Variants in SNX8 observed in about 807,000 individuals in gnomAD.
The protein encoded by SNX8 is sorting nexin 8.
In SNX8, 25 loss-of-function variants were observed where a neutral mutation model predicts 51.6. That is an observed-to-expected ratio of 0.48 (90% confidence interval 0.35 to 0.68). The LOEUF is 0.68. Among genes scored for constraint, SNX8 ranks in the 30% least tolerant of loss-of-function variants. The pLI, the probability that SNX8 is intolerant of heterozygous loss-of-function variation, is 0.00. For missense variants in SNX8, 695 were observed against 624.0 expected, an observed-to-expected ratio of 1.11 and a Z score of -1.21; for synonymous variants, 324 against 277.0, an observed-to-expected ratio of 1.17 and a Z score of -1.68.
chr7:2,264,271 C>T (rs1239756232), intron 6 of SNX8, 27 bp downstream of exon 6: 1 of 1,597,822 alleles, frequency 6.3e-7, no homozygotes, highest in South Asian at 1.1e-5. Context: ...CCGCGCGTGC[C>T]CCTGCAGAAG....
chr7:2,259,508 C>CGAG (rs1173458689), intron 7 of SNX8, among the ~76,000 whole-genome samples: 12 of 152,198 alleles, frequency 7.9e-5, no homozygotes. Flanking sequence ...GGACACAGCC[C>CGAG]TGGAATGGGA....
rs767715812 is a variant in SNX8 at position 2,271,921 on chromosome 7, TG to T, written c.468del (p.Asn157ThrfsTer30). On this transcript the variant is annotated frameshift_variant, in exon 4 of 11. Transcript: ENST00000222990. LOFTEE classifies it high-confidence loss of function. ...AACAGGGGGTGTCGCGCCACCAGGT[TG>T]ACGAAGCGCTTCAGGGCTCTCCTCC... Reference protein sequence around the residue: ...EARRRALKRFVNLVARHPLFS... With the variant: ...EARRRALKRFXNLVARHPLFS... 1.2e-6 allele frequency: 2 copies of T among 1,614,102 alleles called. No individual in the cohort carries two copies. Among genetic ancestry groups the T allele is most frequent in the African/African-American group, 2.7e-5 (2 of 75,050 alleles).
chr7:2,264,170 C>A lies in SNX8; in HGVS notation c.782+128G>T, dbSNP rs1470878333. On this transcript the variant is annotated intron_variant, in intron 6 of 10. Coordinates refer to ENST00000222990, the MANE Select transcript of SNX8 (RefSeq NM_013321.4). The stretch of plus-strand genomic sequence containing the variant: ...CCCCATGTGCCTGAGCCACTTTCTG[C>A]CCCTTCTGAGATGAAACAGGTCAGG... 5 of 883,340 alleles carry A rather than the reference C, an allele frequency of 5.7e-6. No homozygotes were observed. The Admixed American group carries it at 1.4e-4, about 25-fold the overall frequency. The allele number at this position is 883,340 out of a possible 1,614,324, so 54.7% of individuals were successfully genotyped here.
intron 5 of SNX8, among the ~76,000 whole-genome samples, chr7:2,267,376 GA>G (rs1406094551): frequency 8.0e-6 from 1 of 124,258 alleles, no homozygotes; most frequent in Middle Eastern, 4.0e-3. Flanking sequence ...ATGCGGAGCC[GA>G]AGCTGGACTG....
chr7:2,286,959 T>A (rs1584704126), intron 1 of SNX8, among the ~76,000 whole-genome samples: 1 of 147,618 alleles, frequency 6.8e-6, no homozygotes. Flanking sequence ...GCCAACATGG[T>A]GAAACTCCAT....
chr7:2,263,289 G>C lies in SNX8; in HGVS notation c.856C>G (p.Gln286Glu). ...TCCACAGACAGGCCTTTCAGAGCCT[G>C]CTTCAGGGACCCCCACGTGCTGCTA... is the stretch of plus-strand genomic sequence containing the variant. ...LNSSTWGSLK[Q>E]ALKGLSVEFA... Residue 286 changes from glutamine to glutamate, a missense_variant, in exon 7 of 11, where the codon CAG becomes GAG. Transcript: ENST00000222990. 1 of 1,613,942 alleles carries C rather than the reference G, an allele frequency of 6.2e-7. No individual in the cohort carries two copies. The highest frequency in any genetic ancestry group is 8.5e-7 in the Non-Finnish European group (1 of 1,180,004).
At chr7:2,337,937 A>AG (rs1167455595) in intron 1 of SNX8, among the ~76,000 whole-genome samples, 2 of 152,062 alleles carry the variant, frequency 1.3e-5, no homozygotes, top group African/African-American at 2.4e-5. Flanking sequence ...CTTTAAAATC[A>AG]GGGGGGAGAA....
intron 1 of SNX8, among the ~76,000 whole-genome samples, chr7:2,295,936 G>C (rs769648119): frequency 6.6e-6 from 1 of 152,044 alleles, no homozygotes; most frequent in Non-Finnish European, 1.5e-5. Context: ...TGTTCCATGG[G>C]TCTGTGTGCA....
At chr7:2,331,853 C>T (rs984710331) in intron 1 of SNX8, among the ~76,000 whole-genome samples, 2 of 151,932 alleles carry the variant, frequency 1.3e-5, no homozygotes, top group Non-Finnish European at 2.9e-5. Flanking sequence ...GCACTCCAGC[C>T]TGGGTGACAC....
At chr7:2,306,664 AC>A (rs1315722788) in intron 1 of SNX8, among the ~76,000 whole-genome samples, 5 of 152,226 alleles carry the variant, frequency 3.3e-5, no homozygotes, top group African/African-American at 1.2e-4. Context: ...ATAACTACAT[AC>A]AAAGCAATGC....
chr7:2,304,328 A>G (rs1336302562), intron 1 of SNX8, among the ~76,000 whole-genome samples: 1 of 151,658 alleles, frequency 6.6e-6, no homozygotes, highest in Non-Finnish European at 1.5e-5. Flanking sequence ...GCAGATCACG[A>G]GGTCAGGAGA....
intron 3 of SNX8, among the ~76,000 whole-genome samples, chr7:2,272,527 C>T (rs1795674429): frequency 1.3e-5 from 2 of 151,866 alleles, no homozygotes; most frequent in Admixed American, 1.3e-4. Flanking sequence ...AGGGGCCCGC[C>T]AACATGCCTG....
intron 7 of SNX8, 65 bp from the exon 8 acceptor site, chr7:2,257,868 CAG>C: frequency 6.7e-7 from 1 of 1,487,922 alleles, no homozygotes; most frequent in Non-Finnish European, 9.4e-7. Flanking sequence ...CCCGGGAACT[CAG>C]ACCCAAGCCT....
intron 1 of SNX8, among the ~76,000 whole-genome samples, chr7:2,296,060 C>T (rs908534971): frequency 8.5e-5 from 13 of 152,124 alleles, no homozygotes; most frequent in Non-Finnish European, 1.8e-4. Context: ...TTTGCCTTTT[C>T]GGGCTCATTG....
At chr7:2,321,859 G>C (rs1384600475) in intron 1 of SNX8, among the ~76,000 whole-genome samples, 5 of 149,598 alleles carry the variant, frequency 3.3e-5, no homozygotes, top group African/African-American at 1.2e-4. Context: ...GAGTAGCTGG[G>C]ATTACAGGCG....
chr7:2,330,877 T>C (rs186066766), intron 1 of SNX8, among the ~76,000 whole-genome samples: 4 of 152,018 alleles, frequency 2.6e-5, no homozygotes, highest in African/African-American at 7.2e-5. Flanking sequence ...TCATAACCAA[T>C]ATAATATACA....
intron 1 of SNX8, among the ~76,000 whole-genome samples, chr7:2,286,132 C>T (rs544173833): frequency 6.6e-6 from 1 of 152,036 alleles, no homozygotes; most frequent in Non-Finnish European, 1.5e-5. Context: ...CTGCCTCAGC[C>T]TTCAGAGCAG....
At chr7:2,332,621 G>A (rs1778755860) in intron 1 of SNX8, among the ~76,000 whole-genome samples, 1 of 151,894 alleles carries the variant, frequency 6.6e-6, no homozygotes, top group Non-Finnish European at 1.5e-5. Flanking sequence ...GGGCGTGGTG[G>A]AGGACACCTG....
Position 2,277,572 on chromosome 7 carries a change from G to T in SNX8, c.300+528C>A, listed in dbSNP as rs149801798. ...TCCCAGCACTTTGGGAGGCCGAGGCGGGTGGATCATAAGGTCAGGAGATCA... is the reference window on the plus strand; with the variant it reads ...TCCCAGCACTTTGGGAGGCCGAGGCTGGTGGATCATAAGGTCAGGAGATCA... On this transcript the variant is annotated intron_variant, in intron 2 of 10. Coordinates refer to ENST00000222990, the MANE Select transcript of SNX8 (RefSeq NM_013321.4). Among the ~76,000 whole-genome samples the T allele has an allele frequency of 2.0e-5, 3 of 152,164 alleles. No homozygotes were observed. The East Asian group carries it at 5.8e-4, about 29-fold the overall frequency.
Sources: allele counts gnomAD v4.1 joint callset (sites outside exome capture counted in the v4.1 genomes callset), GRCh38; gene constraint gnomAD v4.1.1; transcripts MANE v1.5; gene names NCBI Gene and HGNC (gene_info 2026-07-23, HGNC 2026-07-21).